Variants in APLF observed in about 807,000 individuals in gnomAD.
APLF encodes aprataxin and PNK-like factor.
In APLF, 61 loss-of-function variants were observed where a neutral mutation model predicts 55.6. The ratio of observed to expected loss-of-function variants is 1.10; its 90% CI spans 0.89 to 1.36. The LOEUF is 1.36. Ranked by LOEUF, APLF falls within the 40% of genes most tolerant of loss-of-function variation. The pLI is 0.00. For missense variants in APLF, 611 were observed against 602.5 expected, an observed-to-expected ratio of 1.01 and a Z score of -0.15; for synonymous variants, 207 against 214.8, an observed-to-expected ratio of 0.96 and a Z score of 0.32.
At chr2:68,495,787 A>G (rs1387240474) in intron 2 of APLF, among the ~76,000 whole-genome samples, 1 of 152,160 alleles carries the variant, frequency 6.6e-6, no homozygotes, top group Non-Finnish European at 1.5e-5. Flanking sequence ...AGAATCCACC[A>G]CTCTTGCACT....
chr2:68,483,645 T>C (rs984307148), intron 1 of APLF, among the ~76,000 whole-genome samples: 4 of 152,152 alleles, frequency 2.6e-5, no homozygotes, highest in African/African-American at 4.8e-5. Context: ...ATAATTATCT[T>C]AACCTTTCCT....
intron 1 of APLF, among the ~76,000 whole-genome samples, chr2:68,472,124 G>A (rs1675635526): frequency 6.6e-6 from 1 of 152,208 alleles, no homozygotes; most frequent in Admixed American, 6.5e-5. Flanking sequence ...ATAAAGGATT[G>A]TGGAGACGAA....
chr2:68,556,213 A>G (rs950359860), intron 8 of APLF, among the ~76,000 whole-genome samples: 1 of 152,166 alleles, frequency 6.6e-6, no homozygotes, highest in Admixed American at 6.5e-5. Flanking sequence ...GAAAGTGGGA[A>G]GGGTGTGAGG....
At chr2:68,496,504 G>T (rs13400155) in intron 2 of APLF, among the ~76,000 whole-genome samples, 9 of 152,026 alleles carry the variant, frequency 5.9e-5, no homozygotes, top group Admixed American at 5.2e-4. Context: ...TCTCTGCCAC[G>T]TGGCTAGGCT....
intron 3 of APLF, 52 bp from the exon 4 acceptor site, chr2:68,513,028 C>T (rs573932618): frequency 6.6e-7 from 1 of 1,512,946 alleles, no homozygotes; most frequent in Non-Finnish European, 9.0e-7. Context: ...TCTAAGGCAG[C>T]AGAAGTGTGT....
At chr2:68,518,708 AT>A (rs1433278242) in intron 5 of APLF, among the ~76,000 whole-genome samples, 1 of 125,752 alleles carries the variant, frequency 8.0e-6, no homozygotes, top group African/African-American at 3.2e-5. Flanking sequence ...TATCATGAAT[AT>A]ACAATAATAT....
At chr2:68,515,183 A>T (rs1573201318) in intron 5 of APLF, among the ~76,000 whole-genome samples, 1 of 151,718 alleles carries the variant, frequency 6.6e-6, no homozygotes, top group African/African-American at 2.4e-5. Flanking sequence ...GTTAAGGGGC[A>T]TGTGGTTTAA....
chr2:68,510,342 AAAC>A (rs1319700580), intron 3 of APLF, among the ~76,000 whole-genome samples: 14 of 151,926 alleles, frequency 9.2e-5, no homozygotes, highest in Non-Finnish European at 1.8e-4. Context: ...ATGCAAAGGC[AAAC>A]AACCCAATTT....
intron 9 of APLF, among the ~76,000 whole-genome samples, chr2:68,577,607 G>C (rs1442080005): frequency 1.3e-5 from 2 of 152,092 alleles, no homozygotes; most frequent in Non-Finnish European, 2.9e-5. Flanking sequence ...TAATCTCATG[G>C]GTCATTTTAG....
chr2:68,540,780 GTGTGTGTA>G (rs999205237), intron 7 of APLF, among the ~76,000 whole-genome samples: 10 of 125,014 alleles, frequency 8.0e-5, no homozygotes, highest in African/African-American at 1.7e-4. Context: ...GCGTGTGTGT[GTGTGTGTA>G]TGTGTGTGTA....
chr2:68,516,222 C>T (rs1220959679), intron 5 of APLF, among the ~76,000 whole-genome samples: 12 of 151,612 alleles, frequency 7.9e-5, no homozygotes, highest in East Asian at 3.9e-4. Context: ...AACTTTAAAG[C>T]CCATGTACTA....
intron 8 of APLF, among the ~76,000 whole-genome samples, chr2:68,551,763 T>C (rs549907851): frequency 8.5e-4 from 129 of 152,010 alleles, no homozygotes; most frequent in African/African-American, 3.1e-3. Flanking sequence ...TCTTTTTTTT[T>C]TTTCTTGATT....
chr2:68,559,770 G>C (rs141273640), intron 8 of APLF, among the ~76,000 whole-genome samples: 92 of 152,146 alleles, frequency 6.0e-4, no homozygotes, highest in African/African-American at 2.2e-3. Flanking sequence ...CGATATCCCT[G>C]TTTTCTCTTT....
chr2:68,523,619 GATAC>G (rs2103977822), intron 5 of APLF, among the ~76,000 whole-genome samples: 1 of 151,888 alleles, frequency 6.6e-6, no homozygotes, highest in Non-Finnish European at 1.5e-5. Flanking sequence ...TATTTTTAAT[GATAC>G]ATATATATAT....
chr2:68,501,369 G>A (rs1444547859), intron 2 of APLF, among the ~76,000 whole-genome samples: 1 of 151,686 alleles, frequency 6.6e-6, no homozygotes, highest in Non-Finnish European at 1.5e-5. Flanking sequence ...CATTTAAACT[G>A]ATGAAATAGA....
At chr2:68,472,807 C>A (rs1229334451) in intron 1 of APLF, among the ~76,000 whole-genome samples, 1 of 151,920 alleles carries the variant, frequency 6.6e-6, no homozygotes, top group Non-Finnish European at 1.5e-5. Flanking sequence ...GTCAATGATC[C>A]CGTTTAACTT....
intron 1 of APLF, among the ~76,000 whole-genome samples, chr2:68,478,322 A>T (rs561488484): frequency 6.6e-6 from 1 of 152,330 alleles, no homozygotes; most frequent in Middle Eastern, 3.4e-3. Context: ...TGAAGCTTTC[A>T]CTGCAGCTAT....
chr2:68,574,495 C>G (rs943172106), intron 9 of APLF, among the ~76,000 whole-genome samples: 1 of 152,130 alleles, frequency 6.6e-6, no homozygotes, highest in African/African-American at 2.4e-5. Flanking sequence ...TGACTTGGCT[C>G]TTCAAGTGTT....
At chr2:68,524,087 G>A (rs1669967597) in intron 5 of APLF, among the ~76,000 whole-genome samples, 1 of 151,982 alleles carries the variant, frequency 6.6e-6, no homozygotes, top group Admixed American at 6.6e-5. Context: ...ATTTACTGTA[G>A]TTCTTAGCAT....
Sources: gnomAD v4.1 joint callset for allele counts (sites outside exome capture counted in the v4.1 genomes callset) on GRCh38, gnomAD v4.1.1 for gene constraint, MANE v1.5 for transcripts, NCBI Gene and HGNC (gene_info 2026-07-23, HGNC 2026-07-21) for gene names.